Variants in TJP2 observed in about 807,000 individuals in gnomAD.
TJP2 encodes the protein Friedreich ataxia region gene X104 (tight junction protein ZO-2).
Under a neutral mutation model 133.1 loss-of-function variants are expected in TJP2, and 91 were observed. The ratio of observed to expected loss-of-function variants is 0.68; its 90% CI spans 0.58 to 0.81. The LOEUF (loss-of-function observed/expected upper bound fraction) is 0.81, where lower values mean the gene tolerates loss of function less well. Among genes scored for constraint, TJP2 ranks in the 40% least tolerant of loss-of-function variants. The probability of loss-of-function intolerance (pLI) is 0.00; values close to 1 mark genes in which losing one functional copy is unlikely to be tolerated. For synonymous variants in TJP2, 592 were observed against 583.4 expected (o/e 1.01, Z -0.21); for missense variants, 1,541 against 1,565.6 (o/e 0.98, Z 0.26).
intron 1 of TJP2, among the ~76,000 whole-genome samples, chr9:69,197,954 G>T (rs541186018): frequency 1.3e-5 from 2 of 152,236 alleles, no homozygotes; most frequent in Admixed American, 1.3e-4. Context: ...TGTGAAATGG[G>T]TGATGATGCC....
At chr9:69,170,521 T>A (rs984050222), upstream of TJP2, among the ~76,000 whole-genome samples, 2 of 152,220 alleles carry the variant, frequency 1.3e-5, no homozygotes, top group Admixed American at 6.5e-5. Flanking sequence ...CATTATTAGA[T>A]ACAGGCATAT....
At chr9:69,237,230 GTATGTCAGT>G (rs2133389370) in intron 14 of TJP2, 94 bp downstream of exon 14, 1 of 1,449,588 alleles carries the variant, frequency 6.9e-7, no homozygotes, top group East Asian at 2.3e-5. Context: ...TCTAACTTAT[GTATGTCAGT>G]TATGCCAAAG....
intron 1 of TJP2, among the ~76,000 whole-genome samples, chr9:69,145,422 A>G (rs1823171197): frequency 6.6e-6 from 1 of 152,358 alleles, no homozygotes; most frequent in Non-Finnish European, 1.5e-5. Context: ...AGTGTACATT[A>G]GATCGCCGTG....
chr9:69,144,002 T>C (rs1469320205), intron 1 of TJP2, among the ~76,000 whole-genome samples: 5 of 152,140 alleles, frequency 3.3e-5, no homozygotes, highest in Admixed American at 6.6e-5. Context: ...AAACATTCAA[T>C]TTTATTTTTT....
At chr9:69,228,366 T>A (rs1205047058) in intron 9 of TJP2, among the ~76,000 whole-genome samples, 1 of 152,112 alleles carries the variant, frequency 6.6e-6, no homozygotes, top group East Asian at 1.9e-4. Context: ...GAGGGGAAAC[T>A]ACTAAAGGAG....
intron 2 of TJP2, among the ~76,000 whole-genome samples, chr9:69,215,220 G>A (rs1424869722): frequency 1.3e-5 from 2 of 152,142 alleles, no homozygotes; most frequent in Non-Finnish European, 2.9e-5. Context: ...TGGGTACTGT[G>A]TTCGGTACTT....
intron 1 of TJP2, among the ~76,000 whole-genome samples, chr9:69,186,232 C>T (rs540240552): frequency 6.6e-5 from 10 of 152,194 alleles, no homozygotes; most frequent in African/African-American, 2.4e-4. Context: ...TTTTACTTTC[C>T]AGGGACCCTA....
Position 69,251,316 on chromosome 9 carries a change from G to C in TJP2, c.3273G>C (p.Lys1091Asn). The C allele has an allele frequency of 6.2e-7, 1 of 1,614,172 alleles. No individual in the cohort carries two copies. Among genetic ancestry groups the C allele is most frequent in the South Asian group, 1.1e-5 (1 of 91,084 alleles). The change falls in exon 21 of 23, where the codon AAG becomes AAC. Residue 1091 changes from lysine (K) to asparagine (N), a missense_variant. Lys to Asn is a moderately conservative substitution (Grantham distance 94). Coordinates refer to ENST00000377245, the MANE Select transcript of TJP2 (RefSeq NM_004817.4). ...AAATATTTGAGAAGATGGATCACAA[G>C]GCCAGGTTACAGAGAATGCAGGAGC... The part of the protein sequence containing the change: ...KVKIFEKMDH[K>N]ARLQRMQELQ...
At chr9:69,188,689 C>G (rs929425624) in intron 1 of TJP2, among the ~76,000 whole-genome samples, 5 of 152,162 alleles carry the variant, frequency 3.3e-5, no homozygotes, top group Non-Finnish European at 5.9e-5. Context: ...CTCTAAGTTG[C>G]CTCTAAGACA....
At chr9:69,173,931 C>G (rs1421791705), upstream of TJP2, 2 of 983,908 alleles carry the variant, frequency 2.0e-6, no homozygotes. Flanking sequence ...CAGTGCACGC[C>G]GCGGAGCGAA....
chr9:69,220,526 C>A (rs114632269), intron 4 of TJP2, among the ~76,000 whole-genome samples: 6,419 of 152,320 alleles, frequency 0.042, 254 homozygotes, highest in Middle Eastern at 0.12. Flanking sequence ...TTCTCTTTAT[C>A]CGCCTTTGCC....
chr9:69,228,094 G>A lies in TJP2; in HGVS notation c.1433G>A (p.Arg478Lys), dbSNP rs760992953. Residue 478 changes from arginine (R) to lysine (K), a missense_variant, in exon 9 of 23, where the codon AGA becomes AAA. Transcript: ENST00000377245. ...TVVPETNKEP[R>K]YQEDPPAPQP... ...GTCCCAGAGACCAACAAGGAACCCA[G>A]ATACCAAGAGGACCCCCCAGGTGAG... 4.3e-6 allele frequency: 7 copies of A among 1,611,736 alleles called. No individual in the cohort carries two copies. The Admixed American group carries it at 1.2e-4, about 27-fold the overall frequency.
At chr9:69,243,821 T>A (rs1248380116) in intron 17 of TJP2, among the ~76,000 whole-genome samples, 2 of 152,174 alleles carry the variant, frequency 1.3e-5, no homozygotes, top group Non-Finnish European at 2.9e-5. Context: ...AGCGTGCCAC[T>A]GTTAACCGAG....
upstream of TJP2, among the ~76,000 whole-genome samples, chr9:69,170,866 A>T (rs1824641307): frequency 6.6e-6 from 1 of 152,060 alleles, no homozygotes; most frequent in Non-Finnish European, 1.5e-5. Flanking sequence ...CTCTTGGCTT[A>T]ATCTACATCA....
intron 21 of TJP2, among the ~76,000 whole-genome samples, 169 bp from the exon 22 acceptor site, chr9:69,252,646 G>T (rs989659158): frequency 4.6e-5 from 7 of 152,220 alleles, no homozygotes; most frequent in South Asian, 2.1e-4. Flanking sequence ...GACGTGTACC[G>T]CACATAACCA....
At chr9:69,182,260 G>A (rs564580628) in intron 1 of TJP2, among the ~76,000 whole-genome samples, 1 of 152,292 alleles carries the variant, frequency 6.6e-6, no homozygotes, top group East Asian at 1.9e-4. Context: ...TAGTGTCTGG[G>A]TGAGTTTTAA....
chr9:69,172,231 A>G (rs1017314111), upstream of TJP2, among the ~76,000 whole-genome samples: 1 of 152,266 alleles, frequency 6.6e-6, no homozygotes, highest in Non-Finnish European at 1.5e-5. Flanking sequence ...AAAAGCTAAT[A>G]TATCAACTGA....
chr9:69,180,742 G>T (rs191923745), intron 1 of TJP2, among the ~76,000 whole-genome samples: 3 of 152,342 alleles, frequency 2.0e-5, no homozygotes, highest in Admixed American at 6.5e-5. Context: ...TGAAAGGAAT[G>T]AATCATTTGG....
At chr9:69,133,327 G>A (rs1302929410) in intron 1 of TJP2, among the ~76,000 whole-genome samples, 1 of 152,154 alleles carries the variant, frequency 6.6e-6, no homozygotes, top group Non-Finnish European at 1.5e-5. Flanking sequence ...TTCAGGGGCT[G>A]GCACAGTAGA....
Sources: gnomAD v4.1 joint callset for allele counts (sites outside exome capture counted in the v4.1 genomes callset) on GRCh38, gnomAD v4.1.1 for gene constraint, MANE v1.5 for transcripts, NCBI Gene and HGNC (gene_info 2026-07-23, HGNC 2026-07-21) for gene names.